Variants in LINGO2 observed in about 807,000 individuals in gnomAD.
LINGO2 encodes the protein leucine rich repeat and Ig domain containing 2, also known as leucine-rich repeat and immunoglobulin-like domain-containing nogo receptor-interacting protein 2.
LINGO2 carries 14 observed loss-of-function variants against 30.6 expected under a neutral mutation model. The ratio of observed to expected loss-of-function variants is 0.46; its 90% confidence interval spans 0.30 to 0.72. The LOEUF (loss-of-function observed/expected upper bound fraction) is 0.72, where lower values mean the gene tolerates loss of function less well. Ranked by LOEUF, LINGO2 falls within the 30% of genes least tolerant of loss-of-function variation. The pLI is 0.07. For missense variants in LINGO2, 729 were observed against 751.7 expected (o/e 0.97, Z 0.35); for synonymous variants, 317 against 288.5 (o/e 1.10, Z -1.00).
chr9:28,574,973 G>T (rs767437340), intron 1 of LINGO2, among the ~76,000 whole-genome samples: 16 of 152,136 alleles, frequency 1.1e-4, no homozygotes, highest in Non-Finnish European at 1.8e-4. Context: ...ATCAATGGTG[G>T]ACTGGATAAA....
At chr9:28,944,260 GTAA>G in the LINGO2 span, among the ~76,000 whole-genome samples, 2 of 152,142 alleles carry the variant, frequency 1.3e-5, no homozygotes, top group Non-Finnish European at 2.9e-5. Context: ...ATATGACCTA[GTAA>G]TGGTATGCAT....
rs75916530 is a variant in LINGO2, at chr9:28,409,490, G to A, written c.-278-36622C>T. Among the ~76,000 whole-genome samples, 447 of 152,124 alleles carry A rather than the reference G, an allele frequency of 2.9e-3. 1 individual carries two copies. Among genetic ancestry groups the A allele is most frequent in the Middle Eastern group, 0.01 (3 of 294 alleles). On this transcript the variant is annotated intron_variant, in intron 2 of 5. Coordinates refer to ENST00000379992, the Ensembl canonical transcript of LINGO2. ...AATCTGATGTGGATTTTTGAATAGT[G>A]TTAAATGATTTAATACATTTCCCTG...
chr9:28,908,518 G>C, the LINGO2 span, among the ~76,000 whole-genome samples: 2 of 151,812 alleles, frequency 1.3e-5, no homozygotes, highest in Admixed American at 1.3e-4. Context: ...GAAGTCACTT[G>C]TGTTCAAAGG....
the LINGO2 span, among the ~76,000 whole-genome samples, chr9:28,979,083 T>C: frequency 4.6e-5 from 7 of 152,114 alleles, no homozygotes; most frequent in African/African-American, 1.7e-4. Context: ...CTCTTTTGTT[T>C]TTAATCTTTT....
chr9:29,167,622 A>C, the LINGO2 span, among the ~76,000 whole-genome samples: 1 of 152,166 alleles, frequency 6.6e-6, no homozygotes, highest in Non-Finnish European at 1.5e-5. Flanking sequence ...GGAAAACAAA[A>C]ACAAAACAAA....
At chr9:28,247,499 A>G (rs1016734670) in intron 4 of LINGO2, among the ~76,000 whole-genome samples, 3 of 152,216 alleles carry the variant, frequency 2.0e-5, no homozygotes, top group Admixed American at 2.0e-4. Context: ...TAACACAGGA[A>G]CAGAAAACCA....
chr9:28,457,278 TA>T (rs1824888962), intron 2 of LINGO2, among the ~76,000 whole-genome samples: 1 of 152,140 alleles, frequency 6.6e-6, no homozygotes, highest in African/African-American at 2.4e-5. Flanking sequence ...AATCACATAG[TA>T]AAATAAAAGA....
At position 28,525,204 on chromosome 9, in the gene LINGO2, A is replaced by T. The variant is rs183452940; in HGVS notation, c.-364-49179T>A. ...GATTATTATAATAAAGACAGACAATAACAAATGTTTGCAAGAATGTAGAGA... is the reference window on the plus strand; with the variant it reads ...GATTATTATAATAAAGACAGACAATTACAAATGTTTGCAAGAATGTAGAGA... On this transcript the variant is annotated intron_variant, in intron 1 of 5. Transcript: ENST00000379992. Among the ~76,000 whole-genome samples, 237 of 152,340 alleles carry T rather than the reference A, an allele frequency of 1.6e-3. 2 individuals carry two copies. Among genetic ancestry groups the T allele is most frequent in the African/African-American group, 5.4e-3 (224 of 41,588 alleles).
chr9:28,132,418 C>T (rs1428373028), intron 4 of LINGO2, among the ~76,000 whole-genome samples: 1 of 152,110 alleles, frequency 6.6e-6, no homozygotes, highest in African/African-American at 2.4e-5. Context: ...TTGCATCTGC[C>T]CATCAAAAAC....
the LINGO2 span, among the ~76,000 whole-genome samples, chr9:28,832,898 C>G: frequency 1.3e-5 from 2 of 151,986 alleles, no homozygotes; most frequent in Non-Finnish European, 2.9e-5. Context: ...GTACCTGTTA[C>G]ATTTTATTCT....
At chr9:28,562,367 A>G (rs1381787201) in intron 1 of LINGO2, among the ~76,000 whole-genome samples, 1 of 149,818 alleles carries the variant, frequency 6.7e-6, no homozygotes. Context: ...CCACATAACC[A>G]TCTCTAATCT....
intron 2 of LINGO2, among the ~76,000 whole-genome samples, chr9:28,436,143 A>C (rs1250914324): frequency 6.6e-6 from 1 of 152,194 alleles, no homozygotes; most frequent in Non-Finnish European, 1.5e-5. Flanking sequence ...CCATAGCAAC[A>C]ACCTGTAATT....
the LINGO2 span, among the ~76,000 whole-genome samples, chr9:29,203,522 T>C: frequency 6.6e-6 from 1 of 152,202 alleles, no homozygotes; most frequent in East Asian, 1.9e-4. Flanking sequence ...CTCACACTGC[T>C]ACCCCAACTC....
upstream of LINGO2, among the ~76,000 whole-genome samples, chr9:28,672,576 T>A (rs778924878): frequency 1.1e-4 from 16 of 152,198 alleles, no homozygotes; most frequent in South Asian, 2.1e-4. Context: ...TGAAATAAAG[T>A]GCTGTTTCCT....
At chr9:29,165,748 A>C in the LINGO2 span, among the ~76,000 whole-genome samples, 1 of 152,140 alleles carries the variant, frequency 6.6e-6, no homozygotes, top group African/African-American at 2.4e-5. Context: ...TGATGATTAA[A>C]GTTTAAAAAA....
chr9:28,080,185 C>T (rs1281155893), intron 4 of LINGO2, among the ~76,000 whole-genome samples: 1 of 152,212 alleles, frequency 6.6e-6, no homozygotes, highest in African/African-American at 2.4e-5. Flanking sequence ...AAAGTTGTCT[C>T]TTAAAATACA....
chr9:28,324,347 T>A (rs1038683555), intron 3 of LINGO2, among the ~76,000 whole-genome samples: 1 of 152,146 alleles, frequency 6.6e-6, no homozygotes, highest in African/African-American at 2.4e-5. Context: ...AGGAACCAGG[T>A]ATAGTTGTCA....
At chr9:28,414,570 A>C (rs1257464422) in intron 2 of LINGO2, among the ~76,000 whole-genome samples, 2 of 152,108 alleles carry the variant, frequency 1.3e-5, no homozygotes, top group Non-Finnish European at 2.9e-5. Flanking sequence ...TTAATATTCA[A>C]AGTTCCAACT....
chr9:28,143,195 C>T (rs896322283), intron 4 of LINGO2, among the ~76,000 whole-genome samples: 7 of 152,052 alleles, frequency 4.6e-5, no homozygotes, highest in Non-Finnish European at 8.8e-5. Flanking sequence ...TGCCAAAATT[C>T]GATATCTACA....
Sources: allele counts gnomAD v4.1 joint callset (sites outside exome capture counted in the v4.1 genomes callset), GRCh38; gene constraint gnomAD v4.1.1; transcripts MANE v1.5; gene names NCBI Gene and HGNC (gene_info 2026-07-23, HGNC 2026-07-21).